SRRM4: variants seen among roughly 807,000 people sequenced by gnomAD.
SRRM4 encodes serine/arginine repetitive matrix protein 4.
In SRRM4, 33 loss-of-function variants were observed where a neutral mutation model predicts 68.9. The ratio of observed to expected loss-of-function variants is 0.48; its 90% CI spans 0.36 to 0.64. SRRM4 has a LOEUF of 0.64. SRRM4 is among the 30% of genes least tolerant of loss of function. SRRM4 has a pLI of 0.00. For missense variants in SRRM4, 817 were observed against 827.1 expected (o/e 0.99, Z 0.15); for synonymous variants, 318 against 318.8 (o/e 1.00, Z 0.03).
At chr12:119,056,624 A>G (rs891488031) in intron 1 of SRRM4, among the ~76,000 whole-genome samples, 105 of 151,996 alleles carry the variant, frequency 6.9e-4, no homozygotes, top group African/African-American at 2.5e-3. Flanking sequence ...TTTCAAACCC[A>G]CTAAGCTATC....
chr12:119,063,707 G>A (rs919781498), intron 1 of SRRM4, among the ~76,000 whole-genome samples: 26 of 152,268 alleles, frequency 1.7e-4, no homozygotes, highest in African/African-American at 6.0e-4. Context: ...GCTAGACATT[G>A]GTCTCTGGGA....
At chr12:119,122,372 GTGT>G (rs1424548078) in intron 6 of SRRM4, among the ~76,000 whole-genome samples, 1 of 152,030 alleles carries the variant, frequency 6.6e-6, no homozygotes, top group South Asian at 2.1e-4. Context: ...ATAACTGCGT[GTGT>G]TGTAGGTTTA....
rs552779642 is a variant in SRRM4, at chr12:119,047,532, T to C, written c.132-54704T>C. Among the ~76,000 whole-genome samples the C allele has an allele frequency of 6.6e-5, 10 of 152,298 alleles. No homozygotes were observed. In the South Asian group the frequency reaches 2.1e-3, roughly 32 times the overall value. On this transcript the variant is annotated intron_variant, in intron 1 of 12. Coordinates refer to ENST00000267260, the MANE Select transcript of SRRM4 (RefSeq NM_194286.4). ...CCCAAAGTCCATTGAATCATTCTTA[T>C]CCCTTTGTGTCCTCATAGTTAAGCT...
intron 1 of SRRM4, among the ~76,000 whole-genome samples, chr12:119,074,466 C>A (rs964025658): frequency 1.3e-5 from 2 of 152,096 alleles, no homozygotes; most frequent in African/African-American, 4.8e-5. Flanking sequence ...GCCTATAAGC[C>A]TTGTGGTAAG....
chr12:119,140,893 C>T (rs1029956966), intron 8 of SRRM4, among the ~76,000 whole-genome samples: 2 of 152,176 alleles, frequency 1.3e-5, no homozygotes, highest in African/African-American at 4.8e-5. Flanking sequence ...CTTCTAAGAC[C>T]TTCTGTTCAA....
intron 1 of SRRM4, among the ~76,000 whole-genome samples, chr12:119,086,135 C>A (rs147563233): frequency 6.6e-6 from 1 of 152,138 alleles, no homozygotes; most frequent in Non-Finnish European, 1.5e-5. Flanking sequence ...CCACCCTCAA[C>A]GTAACTAACC....
intron 1 of SRRM4, among the ~76,000 whole-genome samples, chr12:119,068,961 G>T (rs540038038): frequency 6.6e-6 from 1 of 152,180 alleles, no homozygotes; most frequent in African/African-American, 2.4e-5. Context: ...CAAAGATACT[G>T]CTCTGGGGTG....
intron 1 of SRRM4, among the ~76,000 whole-genome samples, chr12:119,052,304 C>G (rs887519119): frequency 1.1e-4 from 16 of 152,110 alleles, no homozygotes; most frequent in African/African-American, 3.1e-4. Context: ...TAGTGAGTTT[C>G]CACTGCTAAG....
intron 8 of SRRM4, among the ~76,000 whole-genome samples, chr12:119,132,530 G>A (rs1954304587): frequency 6.6e-6 from 1 of 152,208 alleles, no homozygotes; most frequent in African/African-American, 2.4e-5. Context: ...ATTCTTACAT[G>A]TCTGGGATGG....
At chr12:119,005,621 C>G (rs777046997) in intron 1 of SRRM4, among the ~76,000 whole-genome samples, 3 of 152,192 alleles carry the variant, frequency 2.0e-5, no homozygotes, top group Non-Finnish European at 4.4e-5. Context: ...CAGTCTCCTT[C>G]TTCTGTAAAT....
chr12:119,113,866 A>G (rs1592902990), intron 2 of SRRM4, among the ~76,000 whole-genome samples: 2 of 152,180 alleles, frequency 1.3e-5, no homozygotes, highest in African/African-American at 2.4e-5. Flanking sequence ...GCTACTTAAC[A>G]TACCTTCCGC....
rs577849055 is a variant in SRRM4 at position 119,152,847 on chromosome 12, G to A, written c.1281-692G>A. On this transcript the variant is annotated intron_variant, in intron 10 of 12. Transcript: ENST00000267260. ...CAGAAAGCAAAGAAGACTAGGAGGA[G>A]CATAAGGATTAGTCATGTAGATGCA... Among the ~76,000 whole-genome samples, 149 of 152,214 alleles carry A rather than the reference G, an allele frequency of 9.8e-4. 1 individual carries two copies. Among genetic ancestry groups the A allele is most frequent in the Non-Finnish European group, 1.9e-3 (126 of 68,040 alleles).
In SRRM4 at chr12:119,122,276, C is replaced by A. The variant is rs189032768; in HGVS notation, c.515+156C>A. ...GCAGGAAGGCAGGAAGGCAGGAAGG[C>A]AGGAAGGCAGGAAGGCAGGAAGGAA... On this transcript the variant is annotated intron_variant, in intron 6 of 12. Transcript: ENST00000267260. Among the ~76,000 whole-genome samples, 375 of 87,646 alleles carry A rather than the reference C, an allele frequency of 4.3e-3. 2 individuals are homozygous for A. Among genetic ancestry groups the A allele is most frequent in the African/African-American group, 0.015 (345 of 23,462 alleles). 57.5% of individuals were successfully genotyped at this position (87,646 alleles called of 152,430 possible).
rs1954523448 is a variant in SRRM4, at chr12:119,162,860, A to C, written c.*6062A>C. The stretch of plus-strand genomic sequence containing the variant: ...GACAGCCTCTGCCTGGAGCATTCAC[A>C]TCAGATGGAAAGAAGCTGCTGTGTC... On this transcript the variant is annotated 3_prime_UTR_variant, in exon 13 of 13. Transcript: ENST00000267260. 1 of 152,178 alleles carries C rather than the reference A, an allele frequency of 6.6e-6. No homozygotes were observed. Among genetic ancestry groups the C allele is most frequent in the Non-Finnish European group, 1.5e-5 (1 of 68,060 alleles). 9.4% of individuals were successfully genotyped at this position (152,178 alleles called of 1,614,324 possible).
At chr12:119,041,538 A>T (rs1340931757) in intron 1 of SRRM4, among the ~76,000 whole-genome samples, 2 of 152,270 alleles carry the variant, frequency 1.3e-5, no homozygotes, top group Non-Finnish European at 2.9e-5. Context: ...TTTAAATGAC[A>T]GCCCTGCAAT....
intron 1 of SRRM4, among the ~76,000 whole-genome samples, chr12:119,019,154 C>T (rs1277280994): frequency 4.6e-5 from 7 of 152,146 alleles, no homozygotes; most frequent in Non-Finnish European, 2.9e-5. Flanking sequence ...AGGATCTGAT[C>T]GGTAAACGTG....
Position 119,130,972 on chromosome 12 carries a change from A to G in SRRM4, c.771+138A>G, listed in dbSNP as rs146440110. The stretch of plus-strand genomic sequence containing the variant: ...ATCCCACTGGCTCCAGACCTCATTA[A>G]TGATGAACCAAATGATCATTCACCA... On this transcript the variant is annotated intron_variant, in intron 8 of 12. Transcript: ENST00000267260. 8 of 942,942 alleles carry G rather than the reference A, an allele frequency of 8.5e-6. No homozygotes were observed. In the African/African-American group the frequency reaches 1.2e-4, roughly 14 times the overall value. 58.4% of individuals were successfully genotyped at this position (942,942 alleles called of 1,614,324 possible).
intron 2 of SRRM4, among the ~76,000 whole-genome samples, chr12:119,107,074 G>A (rs1291334447): frequency 6.6e-6 from 1 of 152,112 alleles, no homozygotes; most frequent in African/African-American, 2.4e-5. Flanking sequence ...TAATCCTGTG[G>A]TTTTTGTCTT....
chr12:119,006,340 CCTT>C (rs34614853), intron 1 of SRRM4, among the ~76,000 whole-genome samples: 65,067 of 151,770 alleles, frequency 0.43, 14,605 homozygotes, highest in Middle Eastern at 0.66. Flanking sequence ...AGCGACTACT[CCTT>C]CTTTTCCTGG....
Sources: allele counts gnomAD v4.1 joint callset (sites outside exome capture counted in the v4.1 genomes callset), GRCh38; gene constraint gnomAD v4.1.1; transcripts MANE v1.5; gene names NCBI Gene and HGNC (gene_info 2026-07-23, HGNC 2026-07-21).